CADM1: variants seen among roughly 807,000 people sequenced by gnomAD.
CADM1 encodes TSLC-1.
A neutral mutation model predicts 53.1 loss-of-function variants in CADM1; 15 were observed. The ratio of observed to expected loss-of-function variants is 0.28; its 90% CI spans 0.19 to 0.44. The LOEUF is 0.44. Among genes scored for constraint, CADM1 ranks in the 20% least tolerant of loss-of-function variants. The pLI is 1.00. For synonymous variants in CADM1, 281 were observed against 243.0 expected (o/e 1.16, Z -1.45); for missense variants, 434 against 611.3 (o/e 0.71, Z 3.06).
rs1023557957 is a variant in CADM1 at position 115,209,585 on chromosome 11, G to A, written c.1067C>T (p.Thr356Ile). The change falls in exon 8 of 12, where the codon ACC becomes ATC. Residue 356 changes from threonine (T) to isoleucine (I), a missense_variant. This residue lies in a region of CADM1 where 311 missense variants were observed against 435.1 expected (regional missense o/e 0.71). Coordinates refer to ENST00000331581, the MANE Select transcript of CADM1 (RefSeq NM_001301043.2). ...TTTTTTTTIL[T>I]IITDTTATTE... is the part of the protein sequence containing the mutation. Reference sequence around the variant, plus strand: ...TGAAGATACCATACCTGTGATGATGGTAAGGATGGTGGTGGTGGTGGTGGT... The same window carrying A: ...TGAAGATACCATACCTGTGATGATGATAAGGATGGTGGTGGTGGTGGTGGT... The A allele has an allele frequency of 9.1e-6, 9 of 994,428 alleles. No individual in the cohort carries two copies. Among genetic ancestry groups the A allele is most frequent in the African/African-American group, 1.7e-5 (1 of 60,044 alleles). 61.6% of individuals were successfully genotyped at this position (994,428 alleles called of 1,614,324 possible).
At chr11:115,321,441 C>T (rs1379794196) in intron 1 of CADM1, among the ~76,000 whole-genome samples, 1 of 152,156 alleles carries the variant, frequency 6.6e-6, no homozygotes, top group Non-Finnish European at 1.5e-5. Context: ...GACATCAATT[C>T]AGTATTTCTC....
intron 1 of CADM1, among the ~76,000 whole-genome samples, chr11:115,364,499 C>T (rs571377699): frequency 6.6e-6 from 1 of 151,742 alleles, no homozygotes; most frequent in East Asian, 1.9e-4. Flanking sequence ...TAAATGTCAC[C>T]ATTTAAAAAG....
At position 115,365,209 on chromosome 11, in the gene CADM1, C is replaced by G. The variant is rs1417908465; in HGVS notation, c.125-124789G>C. Among the ~76,000 whole-genome samples the G allele has an allele frequency of 2.6e-5, 4 of 152,154 alleles. No individual in the cohort carries two copies. The East Asian group carries it at 7.7e-4, about 29-fold the overall frequency. On this transcript the variant is annotated intron_variant, in intron 1 of 11. Transcript: ENST00000331581. ...CTGTATGAATTAAATAGTATGTGAACAGATTATTCCATATAAATCCATGAA... is the reference window on the plus strand; with the variant it reads ...CTGTATGAATTAAATAGTATGTGAAGAGATTATTCCATATAAATCCATGAA...
At chr11:115,490,438 G>A (rs962472252) in intron 1 of CADM1, among the ~76,000 whole-genome samples, 2 of 131,696 alleles carry the variant, frequency 1.5e-5, no homozygotes, top group Admixed American at 9.2e-5. Flanking sequence ...TTGCTCTGTC[G>A]CCCAGGCTGG....
chr11:115,223,973 A>AGAG (rs1555043882), intron 5 of CADM1, among the ~76,000 whole-genome samples: 213 of 92,478 alleles, frequency 2.3e-3, no homozygotes, highest in East Asian at 7.9e-3. Context: ...AAAAAAAAAA[A>AGAG]AGAGAGAGAG....
rs551875283 is a variant in CADM1 at position 115,189,892 on chromosome 11, G to A, written c.1165+996C>T. ...CAAAGTGAAGATATCCCTGAGGTTC[G>A]TCAGAAGCACGTAGTTGGCAATAAA... On this transcript the variant is annotated intron_variant, in intron 10 of 11. Transcript: ENST00000331581. Among the ~76,000 whole-genome samples the A allele has an allele frequency of 2.4e-4, 36 of 152,296 alleles. No homozygotes were observed. In the South Asian group the frequency reaches 2.7e-3, roughly 11 times the overall value.
chr11:115,347,719 T>C (rs193065098), intron 1 of CADM1, among the ~76,000 whole-genome samples: 1 of 152,334 alleles, frequency 6.6e-6, no homozygotes, highest in East Asian at 1.9e-4. Context: ...TACATTAACA[T>C]ACTTTTGAAA....
chr11:115,280,392 G>A (rs978185118), intron 1 of CADM1, among the ~76,000 whole-genome samples: 1 of 152,126 alleles, frequency 6.6e-6, no homozygotes, highest in South Asian at 2.1e-4. Flanking sequence ...TTCTAGAGGG[G>A]TTATAAAAAT....
chr11:115,298,963 G>A (rs766696114), intron 1 of CADM1, among the ~76,000 whole-genome samples: 2 of 152,016 alleles, frequency 1.3e-5, no homozygotes, highest in African/African-American at 4.8e-5. Context: ...AGACTCTCTC[G>A]GAATACTAAT....
intron 1 of CADM1, among the ~76,000 whole-genome samples, chr11:115,474,469 C>T (rs1949084701): frequency 6.6e-6 from 1 of 151,602 alleles, no homozygotes. Flanking sequence ...CAATGATAGA[C>T]TGGATTAAGA....
intron 1 of CADM1, among the ~76,000 whole-genome samples, chr11:115,480,159 CCTAAGT>C (rs1486839730): frequency 1.3e-5 from 2 of 152,066 alleles, no homozygotes; most frequent in African/African-American, 2.4e-5. Context: ...AGAAAAGATA[CCTAAGT>C]CTATTTATTT....
intron 1 of CADM1, among the ~76,000 whole-genome samples, chr11:115,457,450 G>A (rs1420354547): frequency 3.9e-5 from 6 of 152,152 alleles, no homozygotes; most frequent in Non-Finnish European, 8.8e-5. Context: ...TGCTGGATTT[G>A]CAGATATATC....
chr11:115,449,398 AC>A (rs1268074155), intron 1 of CADM1, among the ~76,000 whole-genome samples: 4 of 152,182 alleles, frequency 2.6e-5, no homozygotes, highest in Non-Finnish European at 5.9e-5. Flanking sequence ...CAATGGTCTT[AC>A]CAGACAACCC....
At chr11:115,485,738 T>A (rs934412109) in intron 1 of CADM1, among the ~76,000 whole-genome samples, 3 of 152,216 alleles carry the variant, frequency 2.0e-5, no homozygotes, top group African/African-American at 7.2e-5. Context: ...CCTCTTTTTC[T>A]TTATATAAAC....
intron 1 of CADM1, among the ~76,000 whole-genome samples, chr11:115,309,751 C>A (rs187330006): frequency 3.0e-4 from 45 of 152,222 alleles, no homozygotes; most frequent in African/African-American, 9.6e-4. Flanking sequence ...GTCACTCAAT[C>A]TCTGTGAACC....
Position 115,355,323 on chromosome 11 carries a change from C to T in CADM1, c.125-114903G>A, listed in dbSNP as rs1945837407. Among the ~76,000 whole-genome samples the T allele has an allele frequency of 2.6e-5, 4 of 152,004 alleles. No homozygotes were observed. In the South Asian group the frequency reaches 8.3e-4, roughly 32 times the overall value. On this transcript the variant is annotated intron_variant, in intron 1 of 11. Coordinates refer to ENST00000331581, the MANE Select transcript of CADM1 (RefSeq NM_001301043.2). ...ATCCTTGGCAGGAACATGAATGGAG[C>T]TGGAGGCCATTATCCTTAGCAAACT...
chr11:115,487,398 C>T (rs1397188369), intron 1 of CADM1, among the ~76,000 whole-genome samples: 1 of 152,020 alleles, frequency 6.6e-6, no homozygotes, highest in Non-Finnish European at 1.5e-5. Flanking sequence ...AGGTCAAAAT[C>T]TTGAAGGTGA....
intron 3 of CADM1, among the ~76,000 whole-genome samples, chr11:115,235,068 GA>G (rs1941964631): frequency 6.6e-6 from 1 of 151,760 alleles, no homozygotes; most frequent in South Asian, 2.1e-4. Flanking sequence ...GTTAGAAGAA[GA>G]AACAGGCATG....
At chr11:115,231,564 CAGT>C (rs1307038076) in intron 3 of CADM1, 74 bp from the exon 4 acceptor site, 2 of 1,357,104 alleles carry the variant, frequency 1.5e-6, no homozygotes, top group African/African-American at 2.8e-5. Context: ...AGGAGAAAAA[CAGT>C]AGACATTCCT....
Sources: gnomAD v4.1 joint callset for allele counts (sites outside exome capture counted in the v4.1 genomes callset) on GRCh38, gnomAD v4.1.1 for gene constraint, gnomAD v4.1.1 regional missense constraint, MANE v1.5 for transcripts, NCBI Gene and HGNC (gene_info 2026-07-23, HGNC 2026-07-21) for gene names.